Variants in CEP152 observed in about 807,000 individuals in gnomAD.
CEP152 encodes centrosomal protein 152.
In CEP152, 132 loss-of-function variants were observed where a neutral mutation model predicts 188.9. The observed-to-expected ratio is 0.70, with a 90% CI of 0.61 to 0.81. CEP152 has a LOEUF of 0.81. CEP152 is among the 30% of genes least tolerant of loss of function. CEP152 has a pLI of 0.00. For missense variants in CEP152, 1,914 were observed against 1,969.8 expected, an observed-to-expected ratio of 0.97 and a Z score of 0.54; for synonymous variants, 649 against 666.6, an observed-to-expected ratio of 0.97 and a Z score of 0.41.
chr15:48,789,740 G>A (rs1240794673), intron 8 of CEP152, among the ~76,000 whole-genome samples: 3 of 152,144 alleles, frequency 2.0e-5, no homozygotes, highest in Non-Finnish European at 2.9e-5. Context: ...AGATGGAAAT[G>A]GGCCACAAGC....
chr15:48,781,688 C>T (rs1896252234), intron 11 of CEP152, among the ~76,000 whole-genome samples: 1 of 152,092 alleles, frequency 6.6e-6, no homozygotes, highest in Non-Finnish European at 1.5e-5. Context: ...GGACAAAGTA[C>T]GCTGGTTTGC....
rs372571966 is a variant in CEP152 at position 48,782,175 on chromosome 15, T to A, written c.1377A>T (p.Ala459=). Residue 459 remains alanine (A), a synonymous_variant, in exon 11 of 27, where the codon GCA becomes GCT. Transcript: ENST00000380950. The part of the protein sequence containing the change: ...LQFQLQQAQK[A]HAMSANMNKA... ...TGTTCATGTTTGCACTCATAGCATGTGCCTTCTGTGCTTGCTGCAGCTGGA... is the reference window on the plus strand; with the variant it reads ...TGTTCATGTTTGCACTCATAGCATGAGCCTTCTGTGCTTGCTGCAGCTGGA... 18 of 1,613,974 alleles carry A rather than the reference T, an allele frequency of 1.1e-5. No homozygotes were observed. In the African/African-American group the frequency reaches 2.0e-4, roughly 18 times the overall value.
At chr15:48,780,132 T>C (rs572063541) in intron 12 of CEP152, among the ~76,000 whole-genome samples, 3 of 152,330 alleles carry the variant, frequency 2.0e-5, no homozygotes, top group African/African-American at 7.2e-5. Context: ...TAAGTCAATA[T>C]GGTCCTGGGA....
chr15:48,796,221 T>C (rs1897281954), intron 5 of CEP152, 61 bp from the exon 6 acceptor site: 2 of 1,583,414 alleles, frequency 1.3e-6, no homozygotes, highest in South Asian at 2.2e-5. Flanking sequence ...ATTATCTGAA[T>C]TAGACACCTA....
At chr15:48,744,134 T>C in intron 24 of CEP152, 106 bp downstream of exon 24, 2 of 1,520,966 alleles carry the variant, frequency 1.3e-6, no homozygotes, top group Non-Finnish European at 1.8e-6. Context: ...AAAGGTAATT[T>C]GGAAAATTCC....
chr15:48,758,058 A>T (rs1359591204), intron 19 of CEP152, among the ~76,000 whole-genome samples: 4 of 152,232 alleles, frequency 2.6e-5, no homozygotes, highest in Non-Finnish European at 5.9e-5. Context: ...AGCAGCTTTT[A>T]AAAATCCTGA....
chr15:48,780,346 T>TA (rs1438401659), intron 12 of CEP152, among the ~76,000 whole-genome samples: 2 of 152,212 alleles, frequency 1.3e-5, no homozygotes, highest in African/African-American at 4.8e-5. Context: ...TATTTCTACT[T>TA]ACTGAATCTC....
At position 48,738,739 on chromosome 15, in the gene CEP152, G is replaced by A; in HGVS notation, c.4643C>T (p.Ala1548Val). Residue 1548 changes from alanine (A) to valine (V), a missense_variant, in exon 27 of 27, where the codon GCA becomes GTA. Ala to Val is a moderately conservative substitution (Grantham distance 64). Transcript: ENST00000380950. ...CNPLMESENA[A>V]SEKSQGLDVQ... ...ATCCAAACCTTGACTTTTCTCAGAT[G>A]CAGCATTTTCACTTTCCATTAGTGG... 1 of 1,614,158 alleles carries A rather than the reference G, an allele frequency of 6.2e-7. No homozygotes were observed. Among genetic ancestry groups the A allele is most frequent in the Non-Finnish European group, 8.5e-7 (1 of 1,180,016 alleles).
intron 10 of CEP152, 28 bp from the exon 11 acceptor site, chr15:48,782,258 C>T: frequency 6.2e-7 from 1 of 1,600,836 alleles, no homozygotes; most frequent in Non-Finnish European, 8.6e-7. Context: ...ATAGGATATA[C>T]TGAAAAAATT....
Position 48,738,032 on chromosome 15 carries a change from GCACCA to G in CEP152, c.*212_*216del, listed in dbSNP as rs1892690425. The G allele has an allele frequency of 1.9e-6, 1 of 526,258 alleles. No individual in the cohort carries two copies. The highest frequency in any genetic ancestry group is 1.9e-5 in the African/African-American group (1 of 52,590). 32.6% of individuals were successfully genotyped at this position (526,258 alleles called of 1,614,324 possible). Reference sequence around the variant, plus strand: ...TAGATGGTTTAGAAACCAAAAATAAGCACCACACAAAAGCAGATTATACATACACC... The same window carrying G: ...TAGATGGTTTAGAAACCAAAAATAAGCACAAAAGCAGATTATACATACACC... On this transcript the variant is annotated 3_prime_UTR_variant, in exon 27 of 27. Transcript: ENST00000380950.
chr15:48,742,852 A>G (rs1893092622), intron 24 of CEP152, among the ~76,000 whole-genome samples: 2 of 152,028 alleles, frequency 1.3e-5, no homozygotes, highest in African/African-American at 4.8e-5. Flanking sequence ...CTACATCTAG[A>G]ATTTCACCAT....
chr15:48,762,708 T>C (rs747385761), intron 17 of CEP152, 36 bp from the exon 18 acceptor site: 15 of 1,603,324 alleles, frequency 9.4e-6, no homozygotes, highest in Non-Finnish European at 1.2e-5. Flanking sequence ...AGAAGAACAA[T>C]TTTCAAATAA....
At position 48,782,058 on chromosome 15, in the gene CEP152, G is replaced by C; in HGVS notation, c.1413+81C>G. 2.3e-6 allele frequency: 3 copies of C among 1,314,994 alleles called. No homozygotes were observed. The South Asian group carries it at 3.6e-5, about 16-fold the overall frequency. 81.5% of individuals were successfully genotyped at this position (1,314,994 alleles called of 1,614,324 possible). A position where few individuals can be genotyped will look rare whatever the true frequency, so the allele number is the denominator to read the frequency against. On this transcript the variant is annotated intron_variant, in intron 11 of 26. Coordinates refer to ENST00000380950, the MANE Select transcript of CEP152 (RefSeq NM_001194998.2). ...GGTCCAACCACCTCTATTATACAGAGAAACCCAAGATTCAAAAAGGTGATG... is the reference window on the plus strand; with the variant it reads ...GGTCCAACCACCTCTATTATACAGACAAACCCAAGATTCAAAAAGGTGATG...
intron 22 of CEP152, among the ~76,000 whole-genome samples, chr15:48,746,082 G>A (rs765786138): frequency 8.6e-5 from 13 of 151,840 alleles, no homozygotes; most frequent in Non-Finnish European, 1.6e-4. Flanking sequence ...TTTAATAAAC[G>A]CTACCAAGAA....
chr15:48,784,171 A>AGAG, intron 9 of CEP152, 51 bp from the exon 10 acceptor site: 1 of 1,535,812 alleles, frequency 6.5e-7, no homozygotes, highest in South Asian at 1.2e-5. Context: ...GTTTTAATAA[A>AGAG]GAGTAAACTA....
intron 18 of CEP152, among the ~76,000 whole-genome samples, chr15:48,762,181 G>A (rs767801181): frequency 1.3e-5 from 2 of 152,108 alleles, no homozygotes; most frequent in Non-Finnish European, 2.9e-5. Context: ...TTTGTAAACC[G>A]AAAGAATATA....
chr15:48,755,266 G>T (rs1677251), intron 20 of CEP152, among the ~76,000 whole-genome samples: 1 of 151,976 alleles, frequency 6.6e-6, no homozygotes, highest in Non-Finnish European at 1.5e-5. Context: ...AGTTTTATGC[G>T]AGTGAGTCGT....
At chr15:48,739,432 G>T (rs1892806824) in intron 26 of CEP152, 144 bp from the exon 27 acceptor site, 11 of 1,250,826 alleles carry the variant, frequency 8.8e-6, no homozygotes, top group Non-Finnish European at 1.1e-5. Context: ...CTTATATACT[G>T]TAATAATTCT....
rs761326242 is a variant in CEP152, at chr15:48,772,661, C to T, written c.1608G>A (p.Glu536=). The T allele has an allele frequency of 1.9e-6, 3 of 1,614,038 alleles. No homozygotes were observed. In the South Asian group the frequency reaches 3.3e-5, roughly 18 times the overall value. The part of the protein sequence containing the change: ...SIVQEEDPNE[E]LSKDEFILKL... Reference sequence around the variant, plus strand: ...TCAGAATGAACTCATCTTTTGAAAGCTCTTCATTTGGGTCTTCTTCTTGTA... The same window carrying T: ...TCAGAATGAACTCATCTTTTGAAAGTTCTTCATTTGGGTCTTCTTCTTGTA... Residue 536 remains glutamate, a synonymous_variant, in exon 13 of 27, where the codon GAG becomes GAA. Transcript: ENST00000380950.
Sources: gnomAD v4.1 joint callset for allele counts (sites outside exome capture counted in the v4.1 genomes callset) on GRCh38, gnomAD v4.1.1 for gene constraint, MANE v1.5 for transcripts, NCBI Gene and HGNC (gene_info 2026-07-23, HGNC 2026-07-21) for gene names.